Variants in GRM5 observed in about 807,000 individuals in gnomAD.
The protein encoded by GRM5 is glutamate metabotropic receptor 5.
A neutral mutation model predicts 83.1 loss-of-function variants in GRM5; 19 were observed. That is an observed-to-expected ratio of 0.23 (90% CI 0.16 to 0.34). GRM5 has a LOEUF of 0.34. GRM5 is among the 10% of genes least tolerant of loss of function. The pLI is 1.00. For synonymous variants in GRM5, 675 were observed against 633.6 expected (o/e 1.07, Z -0.98); for missense variants, 1,160 against 1,588.3 (o/e 0.73, Z 4.58).
chr11:88,894,980 G>T (rs1423271395), intron 2 of GRM5, among the ~76,000 whole-genome samples: 1 of 151,876 alleles, frequency 6.6e-6, no homozygotes, highest in Non-Finnish European at 1.5e-5. Flanking sequence ...ATCTGTTTTT[G>T]AAGCCACCTG....
chr11:88,835,587 A>G (rs1210094031), intron 3 of GRM5, among the ~76,000 whole-genome samples: 1 of 152,226 alleles, frequency 6.6e-6, no homozygotes, highest in Non-Finnish European at 1.5e-5. Flanking sequence ...GTCAACTAAG[A>G]TCATTTTGCA....
chr11:88,971,607 C>T (rs751616012), intron 2 of GRM5, among the ~76,000 whole-genome samples: 5 of 152,052 alleles, frequency 3.3e-5, no homozygotes, highest in Non-Finnish European at 7.4e-5. Flanking sequence ...GTGAAGGGCA[C>T]GATCATTTTA....
intron 5 of GRM5, among the ~76,000 whole-genome samples, chr11:88,600,879 T>C (rs1187298603): frequency 6.6e-6 from 1 of 152,178 alleles, no homozygotes; most frequent in Non-Finnish European, 1.5e-5. Flanking sequence ...GTGTGCTAAA[T>C]TATCTGTGGG....
intron 3 of GRM5, among the ~76,000 whole-genome samples, chr11:88,828,557 T>A (rs1235457894): frequency 6.6e-6 from 1 of 152,184 alleles, no homozygotes; most frequent in African/African-American, 2.4e-5. Flanking sequence ...TTCTAAATAG[T>A]AAAATAACAA....
rs548671238 is a variant in GRM5, at chr11:88,949,757, T to TA, written c.661+97454dup. ...ACAAAGATACTCATTGCAATATTTT[T>TA]AAATAGCAAAAACTTTATTCAATAC... On this transcript the variant is annotated intron_variant, in intron 2 of 9. Coordinates refer to ENST00000305447, the MANE Select transcript of GRM5 (RefSeq NM_001143831.3). Among the ~76,000 whole-genome samples the TA allele has an allele frequency of 2.7e-3, 415 of 152,346 alleles. 3 individuals carry two copies. Among genetic ancestry groups the TA allele is most frequent in the African/African-American group, 9.5e-3 (397 of 41,590 alleles).
intron 8 of GRM5, among the ~76,000 whole-genome samples, chr11:88,566,249 C>G (rs1273811524): frequency 6.6e-6 from 1 of 152,180 alleles, no homozygotes; most frequent in African/African-American, 2.4e-5. Context: ...TTTTCCCAAG[C>G]CACTGATAAC....
At chr11:88,803,703 A>C (rs1454460213) in intron 3 of GRM5, among the ~76,000 whole-genome samples, 1 of 152,204 alleles carries the variant, frequency 6.6e-6, no homozygotes, top group Non-Finnish European at 1.5e-5. Context: ...ATTAAACTAA[A>C]GAGCTTCTAC....
chr11:88,859,615 G>A (rs1449798156), intron 2 of GRM5, among the ~76,000 whole-genome samples: 1 of 152,080 alleles, frequency 6.6e-6, no homozygotes, highest in Non-Finnish European at 1.5e-5. Flanking sequence ...TAGAAGAGCT[G>A]AAATTTCAAC....
chr11:88,794,671 A>G (rs1943240876), intron 3 of GRM5, among the ~76,000 whole-genome samples: 1 of 152,184 alleles, frequency 6.6e-6, no homozygotes, highest in South Asian at 2.1e-4. Flanking sequence ...AAAATAAAGT[A>G]TATGTATTTG....
At chr11:88,841,132 G>A (rs980517686) in intron 3 of GRM5, among the ~76,000 whole-genome samples, 1 of 152,110 alleles carries the variant, frequency 6.6e-6, no homozygotes, top group Non-Finnish European at 1.5e-5. Flanking sequence ...AAATCCTAGA[G>A]CTCACTTCTA....
At chr11:88,534,078 G>A (rs1357657543) in intron 8 of GRM5, among the ~76,000 whole-genome samples, 2 of 152,204 alleles carry the variant, frequency 1.3e-5, no homozygotes, top group Admixed American at 6.5e-5. Flanking sequence ...GTATGAAAAT[G>A]TCTGACGTCC....
intron 5 of GRM5, among the ~76,000 whole-genome samples, chr11:88,602,394 G>T (rs116168965): frequency 6.6e-6 from 1 of 152,092 alleles, no homozygotes. Context: ...TAAAAACAAT[G>T]ATTAAAACGT....
intron 2 of GRM5, among the ~76,000 whole-genome samples, chr11:88,886,431 C>T (rs190600870): frequency 3.3e-5 from 5 of 152,138 alleles, no homozygotes; most frequent in East Asian, 1.9e-4. Context: ...AAACCAAATA[C>T]GGGGCCCCTT....
At chr11:88,652,240 A>T (rs964078227) in intron 4 of GRM5, among the ~76,000 whole-genome samples, 2 of 152,122 alleles carry the variant, frequency 1.3e-5, no homozygotes, top group Non-Finnish European at 2.9e-5. Context: ...CCTGCAATGC[A>T]AATGCATATG....
chr11:88,885,478 T>TGGTAAACCAGC (rs1945029836), intron 2 of GRM5, among the ~76,000 whole-genome samples: 1 of 128,354 alleles, frequency 7.8e-6, no homozygotes, highest in Admixed American at 8.8e-5. Context: ...TTTTTTTTTT[T>TGGTAAACCAGC]TTTTTTTTGG....
At chr11:88,528,742 A>C (rs1461997387) in intron 8 of GRM5, among the ~76,000 whole-genome samples, 17 of 152,104 alleles carry the variant, frequency 1.1e-4, no homozygotes, top group Non-Finnish European at 1.5e-5. Flanking sequence ...GTTATAATAA[A>C]AAGTAATAAT....
chr11:88,715,425 T>A (rs941561962), intron 3 of GRM5, among the ~76,000 whole-genome samples: 1 of 60,520 alleles, frequency 1.7e-5, no homozygotes, highest in Non-Finnish European at 3.5e-5. Context: ...CTGATGGCAT[T>A]TTTTCATGAA....
intron 7 of GRM5, 79 bp from the exon 8 acceptor site, chr11:88,568,071 G>T: frequency 1.2e-6 from 1 of 830,254 alleles, no homozygotes; most frequent in Non-Finnish European, 1.9e-6. Context: ...ACAAGCAGCT[G>T]TTTATGACCA....
At position 88,671,891 on chromosome 11, in the gene GRM5, A is replaced by C. The variant is rs576017654; in HGVS notation, c.912-18488T>G. 2.0e-5 allele frequency among the ~76,000 whole-genome samples: 3 copies of C among 152,204 alleles called. No individual in the cohort carries two copies. The South Asian group carries it at 6.2e-4, about 32-fold the overall frequency. ...TGTTAATTTCATGCAAATTCAATGT[A>C]CTACACATCATGGTTTCTGTGCTCT... On this transcript the variant is annotated intron_variant, in intron 3 of 9. Transcript: ENST00000305447.
Sources: gnomAD v4.1 joint callset for allele counts (sites outside exome capture counted in the v4.1 genomes callset) on GRCh38, gnomAD v4.1.1 for gene constraint, MANE v1.5 for transcripts, NCBI Gene and HGNC (gene_info 2026-07-23, HGNC 2026-07-21) for gene names.